Variants in PRKCQ observed in about 807,000 individuals in gnomAD.
The protein encoded by PRKCQ is protein kinase C theta.
PRKCQ carries 41 observed loss-of-function variants against 91.2 expected under a neutral mutation model. The observed-to-expected ratio is 0.45, with a 90% CI of 0.35 to 0.58. PRKCQ has a LOEUF of 0.58. Ranked by LOEUF, PRKCQ falls within the 20% of genes least tolerant of loss-of-function variation. The probability of loss-of-function intolerance (pLI) is 0.00; values close to 1 mark genes in which losing one functional copy is unlikely to be tolerated. For missense variants in PRKCQ, 673 were observed against 896.5 expected, an observed-to-expected ratio of 0.75 and a Z score of 3.18; for synonymous variants, 307 against 316.9, an observed-to-expected ratio of 0.97 and a Z score of 0.33.
chr10:6,429,718 CTT>C (rs906543200), intron 17 of PRKCQ, among the ~76,000 whole-genome samples: 1 of 151,734 alleles, frequency 6.6e-6, no homozygotes, highest in South Asian at 2.1e-4. Context: ...TTCTTAATGA[CTT>C]TTTTTTGTTG....
At chr10:6,437,053 G>C (rs1316233158) in intron 16 of PRKCQ, among the ~76,000 whole-genome samples, 2 of 152,208 alleles carry the variant, frequency 1.3e-5, no homozygotes, top group Non-Finnish European at 2.9e-5. Context: ...CTTGGAGACA[G>C]CCCCTGAGTC....
At position 6,541,441 on chromosome 10, in the gene PRKCQ, G is replaced by A. The variant is rs952043184; in HGVS notation, c.-9-26297C>T. Among the ~76,000 whole-genome samples, 11 of 152,264 alleles carry A rather than the reference G, an allele frequency of 7.2e-5. No homozygotes were observed. The East Asian group carries it at 1.2e-3, about 16-fold the overall frequency. ...GATGACTAGGGCAGAATCCAGTACC[G>A]AATTCTATGACCTGCCCCTAAAGAC... is the stretch of plus-strand genomic sequence containing the variant. On this transcript the variant is annotated intron_variant, in intron 1 of 17. Coordinates refer to ENST00000263125, the MANE Select transcript of PRKCQ (RefSeq NM_006257.5).
In PRKCQ at chr10:6,482,801, G is replaced by A. The variant is rs535008924; in HGVS notation, c.1179+639C>T. 4.6e-5 allele frequency among the ~76,000 whole-genome samples: 7 copies of A among 152,292 alleles called. No homozygotes were observed. The East Asian group carries it at 1.4e-3, about 29-fold the overall frequency. ...AAAGGGACGTCTTACGTGGTGGCAG[G>A]TGAGAGGGCATGTGTAGGGAAACTC... On this transcript the variant is annotated intron_variant, in intron 11 of 17. Coordinates refer to ENST00000263125, the MANE Select transcript of PRKCQ (RefSeq NM_006257.5).
chr10:6,413,537 GCACACACA>G, the PRKCQ span, among the ~76,000 whole-genome samples: 11 of 56,908 alleles, frequency 1.9e-4, no homozygotes, highest in African/African-American at 6.6e-4. Flanking sequence ...TGCCACTTGT[GCACACACA>G]CACACACACA....
chr10:6,481,773 A>C (rs1300777659), intron 11 of PRKCQ, among the ~76,000 whole-genome samples: 1 of 152,222 alleles, frequency 6.6e-6, no homozygotes, highest in South Asian at 2.1e-4. Context: ...ACAGATTCAT[A>C]GAACAGTCAT....
At chr10:6,434,800 C>A (rs76652255) in intron 16 of PRKCQ, among the ~76,000 whole-genome samples, 1 of 152,198 alleles carries the variant, frequency 6.6e-6, no homozygotes, top group African/African-American at 2.4e-5. Context: ...AGTCCCTCCT[C>A]AGATATGTCT....
chr10:6,455,314 G>A (rs1371403205), intron 15 of PRKCQ, among the ~76,000 whole-genome samples: 1 of 152,136 alleles, frequency 6.6e-6, no homozygotes, highest in East Asian at 1.9e-4. Context: ...AGATTTCTAC[G>A]ATCAGAAAGT....
intron 11 of PRKCQ, 51 bp downstream of exon 11, chr10:6,483,389 C>T: frequency 6.2e-7 from 1 of 1,605,534 alleles, no homozygotes; most frequent in East Asian, 2.2e-5. Flanking sequence ...AGGAACTTGG[C>T]TCATCAGTTC....
intron 8 of PRKCQ, among the ~76,000 whole-genome samples, chr10:6,487,124 C>T (rs191350054): frequency 3.2e-4 from 48 of 152,280 alleles, no homozygotes; most frequent in African/African-American, 1.1e-3. Flanking sequence ...CCCCTGTACC[C>T]ATGCCTCCTG....
In PRKCQ at chr10:6,486,064, C is replaced by T. The variant is rs754458441; in HGVS notation, c.871G>A (p.Ala291Thr). 1 of 1,614,116 alleles carries T rather than the reference C, an allele frequency of 6.2e-7. No homozygotes were observed. Among genetic ancestry groups the T allele is most frequent in the Non-Finnish European group, 8.5e-7 (1 of 1,180,036 alleles). ...TGAGTGCTCTCAATCATGGCCAGCG[C>T]TTCAGCCATTAGCTTCTGGTTTATG... ...CGINQKLMAE[A>T]LAMIESTQQA... Residue 291 changes from alanine to threonine, a missense_variant, in exon 9 of 18, where the codon GCG becomes ACG. Ala to Thr is a moderately conservative substitution (Grantham distance 58). Transcript: ENST00000263125.
At chr10:6,521,995 T>A (rs1839032801) in intron 1 of PRKCQ, among the ~76,000 whole-genome samples, 1 of 152,070 alleles carries the variant, frequency 6.6e-6, no homozygotes, top group Admixed American at 6.6e-5. Context: ...CAGGCTGGAG[T>A]GCAATGGCAC....
At position 6,430,783 on chromosome 10, in the gene PRKCQ, C is replaced by G. The variant is rs573789894; in HGVS notation, c.1965+27G>C. 6.2e-7 allele frequency: 1 copy of G among 1,609,178 alleles called. No individual in the cohort carries two copies. Among genetic ancestry groups the G allele is most frequent in the Non-Finnish European group, 8.5e-7 (1 of 1,177,092 alleles). ...CTGAGCGGAGGGAGAGTGGCTGACA[C>G]CAAGCGGCCCATGAGCGAGTCCTTA... On this transcript the variant is annotated intron_variant, in intron 17 of 17. Transcript: ENST00000263125. The surrounding 1 kb of genome is among the most constrained non-coding windows in gnomAD (Gnocchi z 4.7).
chr10:6,437,552 A>G lies in PRKCQ; in HGVS notation c.1836+4341T>C, dbSNP rs1241280976. Among the ~76,000 whole-genome samples the G allele has an allele frequency of 5.3e-5, 8 of 152,340 alleles. No individual in the cohort carries two copies. In the South Asian group the frequency reaches 1.7e-3, roughly 32 times the overall value. Reference sequence around the variant, plus strand: ...CACTGAGTTCATTATTACGATTGCTACATTTATTGCTACAAATGTAGCAAT... The same window carrying G: ...CACTGAGTTCATTATTACGATTGCTGCATTTATTGCTACAAATGTAGCAAT... On this transcript the variant is annotated intron_variant, in intron 16 of 17. Coordinates refer to ENST00000263125, the MANE Select transcript of PRKCQ (RefSeq NM_006257.5).
chr10:6,420,386 C>G, the PRKCQ span, among the ~76,000 whole-genome samples: 1 of 152,172 alleles, frequency 6.6e-6, no homozygotes, highest in Admixed American at 6.5e-5. Flanking sequence ...CACTATGGCA[C>G]GGCTGCTGGC....
intron 1 of PRKCQ, among the ~76,000 whole-genome samples, chr10:6,566,351 C>T (rs7072496): frequency 0.71 from 108,235 of 152,050 alleles, 42,363 homozygotes; most frequent in East Asian, 0.95. Flanking sequence ...GCCCTAGGAG[C>T]TTGAAATGTA....
chr10:6,578,521 A>G (rs1841325906), intron 1 of PRKCQ, among the ~76,000 whole-genome samples: 2 of 152,246 alleles, frequency 1.3e-5, no homozygotes, highest in Admixed American at 1.3e-4. Context: ...GAAGACAGAA[A>G]CAACAACTGA....
rs1588676181 is a variant in PRKCQ at position 6,450,276 on chromosome 10, T to C, written c.1647+6398A>G. Among the ~76,000 whole-genome samples the C allele has an allele frequency of 4.7e-5, 7 of 148,522 alleles. No individual in the cohort carries two copies. The South Asian group carries it at 1.5e-3, about 32-fold the overall frequency. The stretch of plus-strand genomic sequence containing the variant: ...AATGGAAAACAAAAAAAGGCAGGGG[T>C]TGCAATCCTAGTCTCTGATAAAACA... On this transcript the variant is annotated intron_variant, in intron 15 of 17. Coordinates refer to ENST00000263125, the MANE Select transcript of PRKCQ (RefSeq NM_006257.5).
rs1274566995 is a variant in PRKCQ, at chr10:6,479,020, G to A, written c.1325C>T (p.Thr442Met). The change falls in exon 12 of 18, where the codon ACG becomes ATG. Residue 442 changes from threonine to methionine, a missense_variant. Transcript: ENST00000263125. ...LSLAWEHPFL[T>M]HMFCTFQTKE... Reference sequence around the variant, plus strand: ...GGTCTGGAATGTACAAAACATGTGCGTCAGAAACGGATGCTCCCAGGCCAA... The same window carrying A: ...GGTCTGGAATGTACAAAACATGTGCATCAGAAACGGATGCTCCCAGGCCAA... 3.1e-6 allele frequency: 5 copies of A among 1,614,028 alleles called. No individual in the cohort carries two copies. The highest frequency in any genetic ancestry group is 4.2e-6 in the Non-Finnish European group (5 of 1,180,036).
At chr10:6,566,527 C>A (rs1304511376) in intron 1 of PRKCQ, among the ~76,000 whole-genome samples, 1 of 152,154 alleles carries the variant, frequency 6.6e-6, no homozygotes, top group African/African-American at 2.4e-5. Context: ...TTCAGTCCGA[C>A]TTCACTGTTG....
Sources: gnomAD v4.1 joint callset for allele counts (sites outside exome capture counted in the v4.1 genomes callset) on GRCh38, gnomAD v4.1.1 for gene constraint, Gnocchi (gnomAD v3.1) non-coding constraint, MANE v1.5 for transcripts, NCBI Gene and HGNC (gene_info 2026-07-23, HGNC 2026-07-21) for gene names.